TENM2: variants seen among roughly 807,000 people sequenced by gnomAD.
TENM2 encodes the protein teneurin transmembrane protein 2, also known as teneurin-2.
Under a neutral mutation model 245.2 loss-of-function variants are expected in TENM2, and 52 were observed. That is an observed-to-expected ratio of 0.21 (90% CI 0.17 to 0.27). The LOEUF (loss-of-function observed/expected upper bound fraction) is 0.27. Ranked by LOEUF, TENM2 falls within the 10% of genes least tolerant of loss-of-function variation. The probability of loss-of-function intolerance (pLI) is 1.00; values close to 1 mark genes in which losing one functional copy is unlikely to be tolerated. For synonymous variants in TENM2, 1,363 were observed against 1,438.9 expected, an observed-to-expected ratio of 0.95 and a Z score of 1.19; for missense variants, 3,046 against 3,666.8, an observed-to-expected ratio of 0.83 and a Z score of 4.37.
intron 7 of TENM2, among the ~76,000 whole-genome samples, chr5:168,072,954 C>G (rs755292648): frequency 2.0e-5 from 3 of 152,180 alleles, no homozygotes; most frequent in Non-Finnish European, 2.9e-5. Context: ...GACTGCAGAG[C>G]TCAGAGTCTT....
At chr5:167,081,929 A>C in the TENM2 span, among the ~76,000 whole-genome samples, 3 of 152,176 alleles carry the variant, frequency 2.0e-5, no homozygotes, top group Non-Finnish European at 4.4e-5. Context: ...AATTGTGTTA[A>C]AGTGACTTGC....
At chr5:168,032,889 C>T (rs1339232967) in intron 5 of TENM2, among the ~76,000 whole-genome samples, 1 of 152,096 alleles carries the variant, frequency 6.6e-6, no homozygotes, top group Non-Finnish European at 1.5e-5. Flanking sequence ...GTAATATTTA[C>T]CCAGGTATGG....
chr5:167,113,874 G>A, the TENM2 span, among the ~76,000 whole-genome samples: 2 of 152,160 alleles, frequency 1.3e-5, no homozygotes, highest in Non-Finnish European at 2.9e-5. Flanking sequence ...GTTCAAAGAT[G>A]ATGAGAATAA....
At chr5:167,980,295 T>C (rs1264503564) in intron 4 of TENM2, among the ~76,000 whole-genome samples, 1 of 152,188 alleles carries the variant, frequency 6.6e-6, no homozygotes, top group Non-Finnish European at 1.5e-5. Flanking sequence ...TTCTCAGCTG[T>C]AACCTTGGAC....
the TENM2 span, among the ~76,000 whole-genome samples, chr5:167,098,948 T>G: frequency 6.6e-6 from 1 of 152,346 alleles, no homozygotes; most frequent in East Asian, 1.9e-4. Flanking sequence ...TCAGCAGCTC[T>G]GCAGCCAGGG....
chr5:167,138,769 C>A, the TENM2 span, among the ~76,000 whole-genome samples: 2 of 152,062 alleles, frequency 1.3e-5, no homozygotes, highest in East Asian at 1.9e-4. Context: ...ATTACAGGCA[C>A]CTGCCACCAT....
chr5:167,833,838 C>G (rs1768731515), intron 2 of TENM2, among the ~76,000 whole-genome samples: 1 of 152,172 alleles, frequency 6.6e-6, no homozygotes, highest in Non-Finnish European at 1.5e-5. Flanking sequence ...CAAATCTTTC[C>G]CAATTCCAGA....
chr5:167,423,039 C>A (rs1581999491), intron 2 of TENM2, among the ~76,000 whole-genome samples: 1 of 152,214 alleles, frequency 6.6e-6, no homozygotes, highest in South Asian at 2.1e-4. Context: ...GAAAATGTTC[C>A]ATTTCCGACT....
At chr5:167,143,819 A>G in the TENM2 span, among the ~76,000 whole-genome samples, 1 of 152,152 alleles carries the variant, frequency 6.6e-6, no homozygotes, top group East Asian at 1.9e-4. Context: ...TTATATCCAC[A>G]TATATATGCA....
rs759926809 is a variant in TENM2, at chr5:168,204,361, A to G, written c.3575-11A>G. 3.7e-6 allele frequency: 6 copies of G among 1,609,144 alleles called. No individual in the cohort carries two copies. Among genetic ancestry groups the G allele is most frequent in the Non-Finnish European group, 5.1e-6 (6 of 1,176,440 alleles). ...GCTTCAGTAACCCCTCCCATTCTCC[A>G]ACCCCCACAGGAATCCTACACAAAG... On this transcript the variant is annotated splice_polypyrimidine_tract_variant and intron_variant, in intron 18 of 28. Coordinates refer to ENST00000518659, the Ensembl canonical transcript of TENM2.
At chr5:167,445,334 T>TAGGGAGAGAGAGAGAGAGAGAGAGAG (rs1380778783) in intron 2 of TENM2, among the ~76,000 whole-genome samples, 1 of 86,326 alleles carries the variant, frequency 1.2e-5, no homozygotes, top group African/African-American at 4.7e-5. Flanking sequence ...TATATATATA[T>TAGGGAGAGAGAGAGAGAGAGAGAGAG]ATAGAGAGAG....
intron 1 of TENM2, among the ~76,000 whole-genome samples, chr5:167,348,509 T>G (rs1758617731): frequency 1.3e-5 from 2 of 152,184 alleles, no homozygotes; most frequent in Admixed American, 1.3e-4. Context: ...GACAGCACTG[T>G]GACTGACAGC....
At chr5:167,214,239 C>T in the TENM2 span, among the ~76,000 whole-genome samples, 7 of 152,180 alleles carry the variant, frequency 4.6e-5, no homozygotes, top group South Asian at 2.1e-4. Context: ...ATTGCATATA[C>T]TCCTACCATG....
In TENM2 at chr5:167,957,868, T is replaced by A. The variant is rs1379806627; in HGVS notation, c.947+5046T>A. Among the ~76,000 whole-genome samples the A allele has an allele frequency of 2.6e-5, 4 of 152,206 alleles. 1 individual carries two copies. Among genetic ancestry groups the A allele is most frequent in the Admixed American group, 1.3e-4 (2 of 15,282 alleles). On this transcript the variant is annotated intron_variant, in intron 4 of 28. Transcript: ENST00000518659. ...TTGTTATGATTTCCATTCTTTTGCA[T>A]TTGCTGGGGAGTGTTTTACTTCCAA...
At chr5:167,577,538 T>G (rs1474783654) in intron 2 of TENM2, among the ~76,000 whole-genome samples, 2 of 152,194 alleles carry the variant, frequency 1.3e-5, no homozygotes, top group Non-Finnish European at 2.9e-5. Context: ...ATGCTCTAAG[T>G]CCACTGGGCT....
the TENM2 span, among the ~76,000 whole-genome samples, chr5:167,132,488 C>T: frequency 6.6e-6 from 1 of 152,074 alleles, no homozygotes; most frequent in Admixed American, 6.6e-5. Context: ...GCAGATTTGC[C>T]CTCTTCCTTC....
At chr5:167,201,340 G>A in the TENM2 span, among the ~76,000 whole-genome samples, 1 of 152,136 alleles carries the variant, frequency 6.6e-6, no homozygotes, top group Non-Finnish European at 1.5e-5. Context: ...GTAATGCTAG[G>A]TAAATGGGAA....
intron 13 of TENM2, among the ~76,000 whole-genome samples, chr5:168,167,140 C>T (rs1322814498): frequency 6.6e-6 from 1 of 152,092 alleles, no homozygotes; most frequent in African/African-American, 2.4e-5. Context: ...AATATTTTTG[C>T]TTACAGAAGA....
In TENM2 at chr5:167,902,490, C is replaced by T. The variant is rs568022346; in HGVS notation, c.712+26295C>T. Reference sequence around the variant, plus strand: ...CCTCGGCCCCTAGCTTCTGCCTCCGCGACACAGATAACATAACTCACTTCC... The same window carrying T: ...CCTCGGCCCCTAGCTTCTGCCTCCGTGACACAGATAACATAACTCACTTCC... On this transcript the variant is annotated intron_variant, in intron 3 of 28. Transcript: ENST00000518659. 5.3e-5 allele frequency among the ~76,000 whole-genome samples: 8 copies of T among 152,226 alleles called. No individual in the cohort carries two copies. The South Asian group carries it at 6.2e-4, about 12-fold the overall frequency.
Sources: gnomAD v4.1 joint callset for allele counts (sites outside exome capture counted in the v4.1 genomes callset) on GRCh38, gnomAD v4.1.1 for gene constraint, MANE v1.5 for transcripts, NCBI Gene and HGNC (gene_info 2026-07-23, HGNC 2026-07-21) for gene names.